The following OSBPL5 variants were observed in gnomAD, a reference collection of about 807,000 sequenced individuals.
The protein encoded by OSBPL5 is oxysterol binding protein like 5.
Under a neutral mutation model 111.2 loss-of-function variants are expected in OSBPL5, and 71 were observed. That is an observed-to-expected ratio of 0.64 (90% CI 0.53 to 0.78). The LOEUF (loss-of-function observed/expected upper bound fraction) is 0.78, where lower values mean the gene tolerates loss of function less well. Among genes scored for constraint, OSBPL5 ranks in the 30% least tolerant of loss-of-function variants. OSBPL5 has a pLI of 0.00. For missense variants in OSBPL5, 1,210 were observed against 1,189.3 expected (o/e 1.02, Z -0.26); for synonymous variants, 549 against 513.9 (o/e 1.07, Z -0.93).
chr11:3,106,599 A>G lies in OSBPL5; in HGVS notation c.1059+664T>C, dbSNP rs112830587. ...TCATCTGCAGGCATGCTCTGGGGAC[A>G]CTGCTGCCCACCGCCTGCTGCCTCC... On this transcript the variant is annotated intron_variant, in intron 9 of 21. Transcript: ENST00000263650. The surrounding 1 kb of genome is among the most constrained non-coding windows in gnomAD (Gnocchi z 8.4). 3.5e-3 allele frequency among the ~76,000 whole-genome samples: 538 copies of G among 152,160 alleles called. 2 individuals are homozygous for G. The highest frequency in any genetic ancestry group is 6.8e-3 in the Middle Eastern group (2 of 294).
intron 14 of OSBPL5, among the ~76,000 whole-genome samples, chr11:3,098,338 T>C (rs1024442486): frequency 2.0e-5 from 3 of 150,752 alleles, no homozygotes; most frequent in African/African-American, 7.3e-5. Context: ...AATGGAGAAA[T>C]CAGGAGTGAG....
At chr11:3,143,502 T>G (rs1039292300) in intron 1 of OSBPL5, among the ~76,000 whole-genome samples, 2 of 152,154 alleles carry the variant, frequency 1.3e-5, no homozygotes, top group Admixed American at 6.5e-5. Flanking sequence ...GTGCAACGGA[T>G]GGAAGAACAT....
intron 3 of OSBPL5, 41 bp from the exon 4 acceptor site, chr11:3,122,469 C>A (rs1249127033): frequency 1.3e-6 from 2 of 1,594,234 alleles, no homozygotes; most frequent in East Asian, 2.2e-5. Context: ...GGCACAGGGG[C>A]CGGCCCAGGG....
Position 3,100,534 on chromosome 11 carries a change from G to A in OSBPL5, c.1523-278C>T, listed in dbSNP as rs1026581260. Among the ~76,000 whole-genome samples the A allele has an allele frequency of 2.6e-5, 4 of 152,358 alleles. No individual in the cohort carries two copies. In the East Asian group the frequency reaches 7.7e-4, roughly 29 times the overall value. On this transcript the variant is annotated intron_variant, in intron 13 of 21. Coordinates refer to ENST00000263650, the MANE Select transcript of OSBPL5 (RefSeq NM_020896.4). ...CAAAACTGCAGATTCGCAGGGTGGAGGCTGCAAACTTTTTCAAACTCGACT... is the reference window on the plus strand; with the variant it reads ...CAAAACTGCAGATTCGCAGGGTGGAAGCTGCAAACTTTTTCAAACTCGACT...
In OSBPL5 at chr11:3,088,091, C is replaced by T; in HGVS notation, c.*114G>A. On this transcript the variant is annotated 3_prime_UTR_variant, in exon 22 of 22. Coordinates refer to ENST00000263650, the MANE Select transcript of OSBPL5 (RefSeq NM_020896.4). ...CGGGTCCCTCCTGCGCCTGGACTCC[C>T]CGTCACAGTGGCTGTGCTTGCCGGG... 1.9e-6 allele frequency: 2 copies of T among 1,076,112 alleles called. No homozygotes were observed. The highest frequency in any genetic ancestry group is 2.5e-6 in the Non-Finnish European group (2 of 789,728). 66.7% of individuals were successfully genotyped at this position (1,076,112 alleles called of 1,614,324 possible).
rs1019984815 is a variant in OSBPL5 at position 3,141,288 on chromosome 11, C to T, written c.-21-12119G>A. ...CAATGCACAGCGTCCTTTGACCAAGCGCCTCCTGCTCACCCGGGAACACAC... is the reference window on the plus strand; with the variant it reads ...CAATGCACAGCGTCCTTTGACCAAGTGCCTCCTGCTCACCCGGGAACACAC... On this transcript the variant is annotated intron_variant, in intron 1 of 21. Coordinates refer to ENST00000263650, the MANE Select transcript of OSBPL5 (RefSeq NM_020896.4). The surrounding 1 kb of genome is among the most constrained non-coding windows in gnomAD (Gnocchi z 6.5). Among the ~76,000 whole-genome samples the T allele has an allele frequency of 3.9e-5, 6 of 152,098 alleles. No homozygotes were observed. The highest frequency in any genetic ancestry group is 5.9e-5 in the Non-Finnish European group (4 of 68,030).
Position 3,092,476 on chromosome 11 carries a change from C to A in OSBPL5, c.2215G>T (p.Ala739Ser). ...CTGCCCAGGAAGGTGGTCTGGCGGGCCACGGCCTCCTGCTGCAAGGTCCGC... is the reference window on the plus strand; with the variant it reads ...CTGCCCAGGAAGGTGGTCTGGCGGGACACGGCCTCCTGCTGCAAGGTCCGC... ...ILRTLQQEAV[A>S]RQTTFLGSPG... The change falls in exon 19 of 22, where the codon GCC becomes TCC. Residue 739 changes from alanine to serine, a missense_variant. Physicochemically the swap from Ala to Ser is moderately conservative, Grantham distance 99 (BLOSUM62 1). Transcript: ENST00000263650. The surrounding 1 kb of genome is among the most constrained non-coding windows in gnomAD (Gnocchi z 5.4). 1 of 1,574,714 alleles carries A rather than the reference C, an allele frequency of 6.4e-7. No individual in the cohort carries two copies. Among genetic ancestry groups the A allele is most frequent in the Non-Finnish European group, 8.6e-7 (1 of 1,160,640 alleles).
intron 1 of OSBPL5, among the ~76,000 whole-genome samples, chr11:3,158,040 C>T (rs1484091561): frequency 6.6e-6 from 1 of 152,214 alleles, no homozygotes; most frequent in Non-Finnish European, 1.5e-5. Flanking sequence ...CACTCTGGCA[C>T]TGTAATGGGA....
In OSBPL5 at chr11:3,126,631, G is replaced by T; in HGVS notation, c.137-76C>A. 1 of 1,326,622 alleles carries T rather than the reference G, an allele frequency of 7.5e-7. No individual in the cohort carries two copies. Among genetic ancestry groups the T allele is most frequent in the Non-Finnish European group, 1.0e-6 (1 of 968,916 alleles). 82.2% of individuals were successfully genotyped at this position (1,326,622 alleles called of 1,614,324 possible). ...CTTCTCAGGCCGCTGCCTGGTGTGA[G>T]GCAGGCGAAGCGTGGGTGCGGATGA... On this transcript the variant is annotated intron_variant, in intron 2 of 21. Coordinates refer to ENST00000263650, the MANE Select transcript of OSBPL5 (RefSeq NM_020896.4). This position sits in a 1 kb window ranked among gnomAD's most constrained non-coding sequence, Gnocchi z 6.5.
rs997612889 is a variant in OSBPL5 at position 3,092,656 on chromosome 11, C to T, written c.2133-98G>A. On this transcript the variant is annotated intron_variant, in intron 18 of 21. Coordinates refer to ENST00000263650, the MANE Select transcript of OSBPL5 (RefSeq NM_020896.4). This position sits in a 1 kb window ranked among gnomAD's most constrained non-coding sequence, Gnocchi z 5.4. ...TCAGCCCCCCAACAGTGGCCAGAGA[C>T]CTCCAGGAGAATGACCACTGCCCAC... 4 of 1,429,580 alleles carry T rather than the reference C, an allele frequency of 2.8e-6. No homozygotes were observed. 88.6% of individuals were successfully genotyped at this position (1,429,580 alleles called of 1,614,324 possible). A position where few individuals can be genotyped will look rare whatever the true frequency, so the allele number is the denominator to read the frequency against.
Position 3,100,219 on chromosome 11 carries a change from C to T in OSBPL5, c.1560G>A (p.Thr520=), listed in dbSNP as rs1377927095. The change falls in exon 14 of 22, where the codon ACG becomes ACA. Residue 520 remains threonine (T), a synonymous_variant. Coordinates refer to ENST00000263650, the MANE Select transcript of OSBPL5 (RefSeq NM_020896.4). ...SLSALLDGKA[T]LTFLNRAEDY... ...CCTCGGCTCGGTTCAGGAAGGTGAGCGTGGCTTTGCCGTCCAGCAGCGCCG... is the reference window on the plus strand; with the variant it reads ...CCTCGGCTCGGTTCAGGAAGGTGAGTGTGGCTTTGCCGTCCAGCAGCGCCG... The T allele has an allele frequency of 9.9e-6, 16 of 1,613,978 alleles. No homozygotes were observed. The highest frequency in any genetic ancestry group is 5.5e-5 in the South Asian group (5 of 91,090).
intron 4 of OSBPL5, 121 bp from the exon 5 acceptor site, chr11:3,122,219 A>AG: frequency 7.6e-7 from 1 of 1,321,388 alleles, no homozygotes; most frequent in Non-Finnish European, 1.0e-6. Flanking sequence ...AGGAGGAAGT[A>AG]GGGGGTGTGG....
At chr11:3,159,107 G>C (rs1056399699) in intron 1 of OSBPL5, among the ~76,000 whole-genome samples, 1 of 152,134 alleles carries the variant, frequency 6.6e-6, no homozygotes, top group African/African-American at 2.4e-5. Flanking sequence ...GCCACCCTCT[G>C]AACACAAGGG....
At chr11:3,094,482 G>A (rs1857183264) in intron 14 of OSBPL5, 148 bp from the exon 15 acceptor site, 1 of 633,662 alleles carries the variant, frequency 1.6e-6, no homozygotes, top group Non-Finnish European at 2.8e-6. Flanking sequence ...CTGGGAGGGT[G>A]AGAAGGACAG....
chr11:3,131,163 G>A (rs888752309), intron 1 of OSBPL5, among the ~76,000 whole-genome samples: 1 of 152,124 alleles, frequency 6.6e-6, no homozygotes, highest in Admixed American at 6.6e-5. Context: ...AGGCCATAGG[G>A]GATCTTGGTA....
chr11:3,126,446 TG>T lies in OSBPL5; in HGVS notation c.219+26del. The T allele has an allele frequency of 6.4e-7, 1 of 1,566,964 alleles. No individual in the cohort carries two copies. Among genetic ancestry groups the T allele is most frequent in the Non-Finnish European group, 8.6e-7 (1 of 1,156,152 alleles). ...GTCCCCAGAGCCAGGCTCTGGCTCA[TG>T]GATCCTCCTATACCCAGGCTCTTAC... On this transcript the variant is annotated intron_variant, in intron 3 of 21. Coordinates refer to ENST00000263650, the MANE Select transcript of OSBPL5 (RefSeq NM_020896.4). The surrounding 1 kb of genome is among the most constrained non-coding windows in gnomAD (Gnocchi z 6.5).
At chr11:3,123,942 G>T (rs1282683204) in intron 3 of OSBPL5, among the ~76,000 whole-genome samples, 1 of 152,228 alleles carries the variant, frequency 6.6e-6, no homozygotes, top group Non-Finnish European at 1.5e-5. Flanking sequence ...TGGGCACCAG[G>T]CTTGGCCTTA....
At chr11:3,093,692 G>C (rs762482522) in intron 16 of OSBPL5, 29 bp from the exon 17 acceptor site, 1 of 1,612,688 alleles carries the variant, frequency 6.2e-7, no homozygotes, top group African/African-American at 1.3e-5. Context: ...GGGGTCAGAG[G>C]CTGGCCTGGC....
rs10833262 is a variant in OSBPL5, at chr11:3,113,548, G to A, written c.692-5603C>T. On this transcript the variant is annotated intron_variant, in intron 7 of 21. Transcript: ENST00000263650. This position sits in a 1 kb window ranked among gnomAD's most constrained non-coding sequence, Gnocchi z 4.8. The stretch of plus-strand genomic sequence containing the variant: ...CAGGCACCTGTAATCCCAGCTACTC[G>A]TGAGGCTGAGGCAGGAGAATTGCTT... Among the ~76,000 whole-genome samples the A allele has an allele frequency of 0.25, 38,509 of 151,884 alleles. 5,898 individuals carry two copies. Among genetic ancestry groups the A allele is most frequent in the African/African-American group, 0.43 (17,879 of 41,346 alleles).
Sources: gnomAD v4.1 joint callset for allele counts (sites outside exome capture counted in the v4.1 genomes callset) on GRCh38, gnomAD v4.1.1 for gene constraint, Gnocchi (gnomAD v3.1) non-coding constraint, MANE v1.5 for transcripts, NCBI Gene and HGNC (gene_info 2026-07-23, HGNC 2026-07-21) for gene names.